PHACTR1: variants seen among roughly 807,000 people sequenced by gnomAD.
The protein encoded by PHACTR1 is RPEL repeat containing 1.
In PHACTR1, 16 loss-of-function variants were observed where a neutral mutation model predicts 69.2. The observed-to-expected ratio is 0.23, with a 90% confidence interval of 0.16 to 0.35. The LOEUF is 0.35. Ranked by LOEUF, PHACTR1 falls within the 10% of genes least tolerant of loss-of-function variation. The pLI, the probability that PHACTR1 is intolerant of heterozygous loss-of-function variation, is 1.00. For synonymous variants in PHACTR1, 312 were observed against 284.5 expected, an observed-to-expected ratio of 1.10 and a Z score of -0.97; for missense variants, 510 against 734.7, an observed-to-expected ratio of 0.69 and a Z score of 3.54.
chr6:13,171,400 A>C (rs368895335), intron 6 of PHACTR1, among the ~76,000 whole-genome samples: 4 of 152,272 alleles, frequency 2.6e-5, no homozygotes, highest in South Asian at 4.1e-4. Context: ...GGTGGAGATC[A>C]GTGTAGCAGC....
At chr6:12,740,851 T>C (rs1032841788) in intron 3 of PHACTR1, among the ~76,000 whole-genome samples, 4 of 152,102 alleles carry the variant, frequency 2.6e-5, no homozygotes, top group African/African-American at 9.6e-5. Context: ...TCCATAGTGA[T>C]AACTCCTATT....
At chr6:12,844,455 C>T (rs901367091) in intron 4 of PHACTR1, among the ~76,000 whole-genome samples, 3 of 151,926 alleles carry the variant, frequency 2.0e-5, no homozygotes, top group East Asian at 3.9e-4. Context: ...GAGCAACTAT[C>T]GCACTGTGAG....
At chr6:13,280,948 G>C (rs1276484975) in intron 12 of PHACTR1, 9 of 1,288,494 alleles carry the variant, frequency 7.0e-6, no homozygotes, top group Non-Finnish European at 9.1e-6. Context: ...GGAGCGTCCT[G>C]GTGGCCGTTT....
intron 4 of PHACTR1, among the ~76,000 whole-genome samples, chr6:12,830,000 G>A (rs1256665375): frequency 4.6e-5 from 6 of 131,718 alleles, no homozygotes; most frequent in African/African-American, 1.5e-4. Context: ...GAGAGAGAAC[G>A]AAAAGAAGGA....
chr6:12,756,657 A>C (rs1767361441), intron 4 of PHACTR1, among the ~76,000 whole-genome samples: 1 of 152,252 alleles, frequency 6.6e-6, no homozygotes, highest in South Asian at 2.1e-4. Context: ...ATTTGTATAC[A>C]TTAAACTAGC....
intron 4 of PHACTR1, among the ~76,000 whole-genome samples, chr6:13,016,337 G>T (rs1357396505): frequency 6.6e-6 from 1 of 152,204 alleles, no homozygotes; most frequent in Non-Finnish European, 1.5e-5. Flanking sequence ...AGTGTGCCTG[G>T]TTCCTCATTC....
intron 10 of PHACTR1, among the ~76,000 whole-genome samples, chr6:13,243,054 G>A (rs976126343): frequency 6.6e-6 from 1 of 152,156 alleles, no homozygotes; most frequent in African/African-American, 2.4e-5. Context: ...ATTCTTTTAT[G>A]GGTGTGAATG....
chr6:13,267,009 T>C (rs202069), intron 10 of PHACTR1: 123,707 of 152,206 alleles, frequency 0.81, 50,988 homozygotes, highest in Non-Finnish European at 0.89. Context: ...CACTTCCTCC[T>C]GGAAGCCTTT....
chr6:13,081,925 C>T (rs531441513), intron 5 of PHACTR1, among the ~76,000 whole-genome samples: 1 of 152,190 alleles, frequency 6.6e-6, no homozygotes, highest in Non-Finnish European at 1.5e-5. Context: ...AATACTAGAA[C>T]AAGTGGTGTC....
chr6:12,739,873 G>A (rs1408157325), intron 3 of PHACTR1, among the ~76,000 whole-genome samples: 1 of 151,934 alleles, frequency 6.6e-6, no homozygotes, highest in Non-Finnish European at 1.5e-5. Flanking sequence ...CATGTGTAGA[G>A]CAACATGCAC....
At chr6:13,250,657 A>C (rs1774256280) in intron 10 of PHACTR1, among the ~76,000 whole-genome samples, 1 of 152,242 alleles carries the variant, frequency 6.6e-6, no homozygotes, top group Non-Finnish European at 1.5e-5. Flanking sequence ...CTTGAAAATA[A>C]ATATCAGCAG....
At chr6:13,089,245 C>T (rs995153534) in intron 5 of PHACTR1, among the ~76,000 whole-genome samples, 2 of 152,218 alleles carry the variant, frequency 1.3e-5, no homozygotes, top group South Asian at 2.1e-4. Flanking sequence ...CTTACCAGTA[C>T]ATCTGCTCAA....
At chr6:13,113,339 GGGAGAATACA>G (rs1459593631) in intron 5 of PHACTR1, among the ~76,000 whole-genome samples, 1 of 152,070 alleles carries the variant, frequency 6.6e-6, no homozygotes, top group Non-Finnish European at 1.5e-5. Flanking sequence ...ATTCTTTCAA[GGGAGAATACA>G]TCAAAGATTT....
chr6:12,757,560 G>T (rs1052630458), intron 4 of PHACTR1, among the ~76,000 whole-genome samples: 1 of 152,160 alleles, frequency 6.6e-6, no homozygotes, highest in Non-Finnish European at 1.5e-5. Context: ...ATGAACGGTG[G>T]TGGCTCATCA....
intron 4 of PHACTR1, among the ~76,000 whole-genome samples, chr6:13,035,990 C>T (rs1490274111): frequency 6.6e-6 from 1 of 152,152 alleles, no homozygotes; most frequent in Non-Finnish European, 1.5e-5. Context: ...ATGCTAACTC[C>T]ATTGCTAAAT....
At chr6:12,873,882 CACTT>C (rs1782300210) in intron 4 of PHACTR1, among the ~76,000 whole-genome samples, 2 of 152,326 alleles carry the variant, frequency 1.3e-5, no homozygotes, top group African/African-American at 4.8e-5. Flanking sequence ...TTGTAAATAA[CACTT>C]ACTGGAACAC....
At chr6:13,141,332 A>G (rs1822401931) in intron 5 of PHACTR1, among the ~76,000 whole-genome samples, 1 of 152,250 alleles carries the variant, frequency 6.6e-6, no homozygotes, top group Non-Finnish European at 1.5e-5. Flanking sequence ...TTGCTGGACA[A>G]TATTATGGAA....
intron 4 of PHACTR1, among the ~76,000 whole-genome samples, chr6:12,942,961 T>A (rs1470186535): frequency 6.6e-6 from 1 of 152,228 alleles, no homozygotes; most frequent in East Asian, 1.9e-4. Context: ...TATTATTCAT[T>A]CCTCAATAGG....
chr6:13,191,016 C>T (rs7758482), intron 7 of PHACTR1, among the ~76,000 whole-genome samples: 8,650 of 152,078 alleles, frequency 0.057, 374 homozygotes, highest in African/African-American at 0.14. Flanking sequence ...CACTGTTCTA[C>T]AGTCACATGC....
Sources: allele counts gnomAD v4.1 joint callset (sites outside exome capture counted in the v4.1 genomes callset), GRCh38; gene constraint gnomAD v4.1.1; transcripts MANE v1.5; gene names NCBI Gene and HGNC (gene_info 2026-07-23, HGNC 2026-07-21).